The following RASA2 variants were observed in gnomAD, a reference collection of about 807,000 sequenced individuals.
RASA2 encodes the protein ras GTPase-activating protein 2.
A neutral mutation model predicts 118.2 loss-of-function variants in RASA2; 155 were observed. The ratio of observed to expected loss-of-function variants is 1.31; its 90% CI spans 1.15 to 1.50. The LOEUF (loss-of-function observed/expected upper bound fraction) is 1.50, where lower values mean the gene tolerates loss of function less well. RASA2 is among the 40% of genes most tolerant of loss of function. The pLI is 0.00. For synonymous variants in RASA2, 353 were observed against 349.1 expected (o/e 1.01, Z -0.12); for missense variants, 1,016 against 1,009.6 (o/e 1.01, Z -0.09).
intron 1 of RASA2, among the ~76,000 whole-genome samples, chr3:141,511,728 G>T (rs1413374267): frequency 1.3e-5 from 2 of 151,934 alleles, no homozygotes; most frequent in African/African-American, 4.8e-5. Context: ...CTTTTAAGAA[G>T]TTTTTTTTCC....
chr3:141,577,011 G>A lies in RASA2; in HGVS notation c.1495G>A (p.Val499Ile), dbSNP rs2083022949. The A allele has an allele frequency of 6.2e-7, 1 of 1,601,404 alleles. No individual in the cohort carries two copies. The highest frequency in any genetic ancestry group is 8.5e-7 in the Non-Finnish European group (1 of 1,173,640). ...ATQRFPNDPH[V>I]QYSAVSSFVF... Reference sequence around the variant, plus strand: ...TTTTTTTCCTGCAGATGACCCTCATGTTCAGTATTCTGCAGTGAGCAGCTT... The same window carrying A: ...TTTTTTTCCTGCAGATGACCCTCATATTCAGTATTCTGCAGTGAGCAGCTT... Residue 499 changes from valine (V) to isoleucine (I), a missense_variant, in exon 15 of 24, where the codon GTT (valine) becomes ATT (isoleucine). Val to Ile is a conservative substitution (Grantham distance 29). Transcript: ENST00000286364.
chr3:141,602,400 C>T (rs887864404), intron 19 of RASA2, among the ~76,000 whole-genome samples: 8 of 152,188 alleles, frequency 5.3e-5, no homozygotes, highest in Non-Finnish European at 1.0e-4. Flanking sequence ...AGGATTTGCA[C>T]TCTTGTGATC....
In RASA2 at chr3:141,614,014, C is replaced by G. The variant is rs1224793354; in HGVS notation, c.*1701C>G. 1 of 152,092 alleles carries G rather than the reference C, an allele frequency of 6.6e-6. No homozygotes were observed. Among genetic ancestry groups the G allele is most frequent in the African/African-American group, 2.4e-5 (1 of 41,422 alleles). 9.4% of individuals were successfully genotyped at this position (152,092 alleles called of 1,614,324 possible). On this transcript the variant is annotated 3_prime_UTR_variant, in exon 24 of 24. Coordinates refer to ENST00000286364, the MANE Select transcript of RASA2 (RefSeq NM_006506.5). ...TTAGCCATTTAATAAATTTCTTATT[C>G]TCAAATTGCATTTAGATTAAAATTC...
chr3:141,611,699 A>C (rs767335331), intron 23 of RASA2, among the ~76,000 whole-genome samples: 15 of 152,186 alleles, frequency 9.9e-5, no homozygotes, highest in Non-Finnish European at 1.5e-4. Context: ...GTGAATTAAT[A>C]ATTATATTTT....
intron 1 of RASA2, among the ~76,000 whole-genome samples, chr3:141,503,407 T>C (rs2081814656): frequency 6.6e-6 from 1 of 152,240 alleles, no homozygotes; most frequent in South Asian, 2.1e-4. Context: ...ATTTACTGTC[T>C]GATGACTGTT....
In RASA2 at chr3:141,492,590, AT is replaced by A. The variant is rs576622377; in HGVS notation, c.133+5377del. Among the ~76,000 whole-genome samples the A allele has an allele frequency of 3.9e-5, 6 of 152,342 alleles. No individual in the cohort carries two copies. The East Asian group carries it at 1.2e-3, about 29-fold the overall frequency. On this transcript the variant is annotated intron_variant, in intron 1 of 23. Transcript: ENST00000286364. ...AATTCTTTAACCTTGCTGAGCCCGT[AT>A]TTCCTTACTTGTAAAATTAGAGGTT...
Position 141,529,794 on chromosome 3 carries a change from G to T in RASA2, c.442G>T (p.Glu148Ter), listed in dbSNP as rs1464323853. The change falls in exon 4 of 24, where the codon GAG (glutamate) becomes TAG (stop). Residue 148 changes from glutamate to a stop codon, truncating the protein, a stop_gained. Transcript: ENST00000286364. LOFTEE classifies it high-confidence loss of function. Reference sequence around the variant, plus strand: ...ATTACAGCCTGTTGACTCCAATTCAGAGGTTCAGGTAAATATTAAGGCTTA... The same window carrying T: ...ATTACAGCCTGTTGACTCCAATTCATAGGTTCAGGTAAATATTAAGGCTTA... ...FSLQPVDSNSEVQGKVHLELK... is the reference protein window; with the variant it reads ...FSLQPVDSNS 1 of 1,601,198 alleles carries T rather than the reference G, an allele frequency of 6.2e-7. No individual in the cohort carries two copies. Among genetic ancestry groups the T allele is most frequent in the African/African-American group, 1.3e-5 (1 of 74,590 alleles).
chr3:141,562,519 A>AG (rs71151498), intron 9 of RASA2, among the ~76,000 whole-genome samples: 149,274 of 149,274 alleles, frequency 1, 74,637 homozygotes, highest in Non-Finnish European at 1. Context: ...GCTACTCAGG[A>AG]GCTGGCGCAG....
rs114227077 is a variant in RASA2, at chr3:141,591,742, T to G, written c.1933+4990T>G. Reference sequence around the variant, plus strand: ...ATGTGACATTAAATGCCCTAGCTTATATAGCCAGCCCTACCCTAGCTCATA... The same window carrying G: ...ATGTGACATTAAATGCCCTAGCTTAGATAGCCAGCCCTACCCTAGCTCATA... On this transcript the variant is annotated intron_variant, in intron 19 of 23. Coordinates refer to ENST00000286364, the MANE Select transcript of RASA2 (RefSeq NM_006506.5). Among the ~76,000 whole-genome samples the G allele has an allele frequency of 4.7e-3, 717 of 151,698 alleles. 5 individuals carry two copies. Among genetic ancestry groups the G allele is most frequent in the Non-Finnish European group, 8.0e-3 (547 of 68,016 alleles).
At chr3:141,549,188 A>G (rs1225885883) in intron 5 of RASA2, among the ~76,000 whole-genome samples, 1 of 152,224 alleles carries the variant, frequency 6.6e-6, no homozygotes, top group Non-Finnish European at 1.5e-5. Flanking sequence ...TTTTCTTGAC[A>G]TTGAATTCTT....
intron 5 of RASA2, among the ~76,000 whole-genome samples, chr3:141,546,673 G>A (rs1170431934): frequency 6.6e-6 from 1 of 152,120 alleles, no homozygotes; most frequent in Non-Finnish European, 1.5e-5. Flanking sequence ...CCTTTGTTGT[G>A]TAGAAGCTTT....
intron 1 of RASA2, among the ~76,000 whole-genome samples, chr3:141,490,522 T>C (rs2081628556): frequency 6.6e-6 from 1 of 152,106 alleles, no homozygotes; most frequent in Non-Finnish European, 1.5e-5. Flanking sequence ...TGCCACCATA[T>C]GTGTGGGCTT....
At chr3:141,587,713 C>CAAAA (rs1156964232) in intron 19 of RASA2, among the ~76,000 whole-genome samples, 47 of 55,830 alleles carry the variant, frequency 8.4e-4, no homozygotes, top group African/African-American at 2.5e-3. Flanking sequence ...GACTCCATCT[C>CAAAA]AAAAAAAAAA....
intron 5 of RASA2, among the ~76,000 whole-genome samples, chr3:141,546,099 C>T (rs993292873): frequency 3.9e-5 from 6 of 152,114 alleles, no homozygotes; most frequent in East Asian, 3.9e-4. Context: ...TTTATCAGTT[C>T]GCCTGTTGAT....
At chr3:141,534,858 A>G (rs1024978209) in intron 4 of RASA2, among the ~76,000 whole-genome samples, 94 of 152,242 alleles carry the variant, frequency 6.2e-4, no homozygotes, top group African/African-American at 2.0e-3. Context: ...AACTGCCATT[A>G]ATATAAGAGA....
At chr3:141,564,826 T>C (rs1226513043) in intron 9 of RASA2, among the ~76,000 whole-genome samples, 6 of 152,176 alleles carry the variant, frequency 3.9e-5, no homozygotes, top group Non-Finnish European at 1.5e-5. Flanking sequence ...TCTCCCTACT[T>C]TTGTAAGTGA....
intron 9 of RASA2, 112 bp from the exon 10 acceptor site, chr3:141,570,800 T>G (rs897545372): frequency 2.0e-6 from 2 of 984,908 alleles, no homozygotes. Context: ...TTCCTAACTG[T>G]AAATACTAAG....
chr3:141,526,119 T>C (rs1349871953), intron 3 of RASA2: 1 of 152,226 alleles, frequency 6.6e-6, no homozygotes, highest in Non-Finnish European at 1.5e-5. Flanking sequence ...TTGTTCAGCT[T>C]TCCTCATCTG....
chr3:141,511,417 G>A (rs185713836), intron 1 of RASA2, among the ~76,000 whole-genome samples: 286 of 152,316 alleles, frequency 1.9e-3, no homozygotes, highest in Non-Finnish European at 2.6e-3. Context: ...TGCATGTTTA[G>A]AGGTAGCCAG....
Sources: allele counts gnomAD v4.1 joint callset (sites outside exome capture counted in the v4.1 genomes callset), GRCh38; gene constraint gnomAD v4.1.1; transcripts MANE v1.5; gene names NCBI Gene and HGNC (gene_info 2026-07-23, HGNC 2026-07-21).